UBA5: variants seen among roughly 807,000 people sequenced by gnomAD.
UBA5 encodes the protein ubiquitin-like modifier-activating enzyme 5.
A neutral mutation model predicts 52.9 loss-of-function variants in UBA5; 28 were observed. The observed-to-expected ratio is 0.53, with a 90% CI of 0.39 to 0.73. The LOEUF (loss-of-function observed/expected upper bound fraction) is 0.73, where lower values mean the gene tolerates loss of function less well. Among genes scored for constraint, UBA5 ranks in the 30% least tolerant of loss-of-function variants. UBA5 has a pLI of 0.00. For synonymous variants in UBA5, 135 were observed against 162.1 expected, an observed-to-expected ratio of 0.83 and a Z score of 1.27; for missense variants, 388 against 492.7, an observed-to-expected ratio of 0.79 and a Z score of 2.01.
Position 132,668,935 on chromosome 3 carries a change from GA to G in UBA5, c.407+10del. On this transcript the variant is annotated intron_variant, in intron 4 of 11. Coordinates refer to ENST00000356232, the MANE Select transcript of UBA5 (RefSeq NM_024818.6). ...AGCAGAACATACTCTGAGGTAAATG[GA>G]ATAGCAATCAAGTACCATATTCAGT... is the stretch of plus-strand genomic sequence containing the variant. 7 of 1,534,408 alleles carry G rather than the reference GA, an allele frequency of 4.6e-6. No individual in the cohort carries two copies. Among genetic ancestry groups the G allele is most frequent in the Non-Finnish European group, 6.2e-6 (7 of 1,120,872 alleles).
chr3:132,670,183 C>T lies in UBA5; in HGVS notation c.408-15C>T, dbSNP rs769678266. The T allele has an allele frequency of 3.1e-6, 4 of 1,288,404 alleles. No homozygotes were observed. Among genetic ancestry groups the T allele is most frequent in the Non-Finnish European group, 2.2e-6 (2 of 895,914 alleles). 79.8% of individuals were successfully genotyped at this position (1,288,404 alleles called of 1,614,324 possible). A position where few individuals can be genotyped will look rare whatever the true frequency, so the allele number is the denominator to read the frequency against. ...AGGATTACAGGCTTATAATCATTCC[C>T]TTTTTCCTTCTTAGGAACATTAATC... On this transcript the variant is annotated splice_polypyrimidine_tract_variant and intron_variant, in intron 4 of 11. Transcript: ENST00000356232.
At chr3:132,675,218 C>T in intron 8 of UBA5, 30 bp from the exon 9 acceptor site, 7 of 1,466,586 alleles carry the variant, frequency 4.8e-6, no homozygotes, top group Middle Eastern at 2.1e-4. Context: ...TTTTAAATTT[C>T]TTTATTTAAG....
chr3:132,675,134 TG>T, intron 8 of UBA5, 113 bp from the exon 9 acceptor site: 1 of 780,160 alleles, frequency 1.3e-6, no homozygotes, highest in Non-Finnish European at 2.0e-6. Flanking sequence ...TTCTGTTTTC[TG>T]GTTAAAAAAA....
chr3:132,671,683 G>C, intron 6 of UBA5, 94 bp from the exon 7 acceptor site: 3 of 968,158 alleles, frequency 3.1e-6, no homozygotes, highest in Admixed American at 5.1e-5. Flanking sequence ...AATTTTAAAA[G>C]ACCTTGGTAA....
chr3:132,664,243 A>AT (rs1452388088), intron 1 of UBA5, among the ~76,000 whole-genome samples: 1 of 152,212 alleles, frequency 6.6e-6, no homozygotes, highest in Admixed American at 6.5e-5. Context: ...ACAAGCTAGG[A>AT]GACACTGGAG....
intron 1 of UBA5, among the ~76,000 whole-genome samples, chr3:132,663,914 T>C (rs1296136201): frequency 6.6e-6 from 1 of 152,060 alleles, no homozygotes; most frequent in Non-Finnish European, 1.5e-5. Context: ...TTCTTGCAAA[T>C]GGAGATGGTA....
rs111686677 is a variant in UBA5 at position 132,665,362 on chromosome 3, A to G, written c.162-461A>G. On this transcript the variant is annotated intron_variant, in intron 1 of 11. Coordinates refer to ENST00000356232, the MANE Select transcript of UBA5 (RefSeq NM_024818.6). ...AGTAACTAGTTAAAGCACCTCTTAG[A>G]GTCTTTGGCATACAGTAGGTGCTTA... Among the ~76,000 whole-genome samples, 183 of 152,188 alleles carry G rather than the reference A, an allele frequency of 1.2e-3. 1 individual carries two copies. The highest frequency in any genetic ancestry group is 3.8e-3 in the African/African-American group (157 of 41,546).
intron 1 of UBA5, among the ~76,000 whole-genome samples, chr3:132,661,397 T>C (rs1938155613): frequency 6.6e-6 from 1 of 152,242 alleles, no homozygotes; most frequent in African/African-American, 2.4e-5. Flanking sequence ...TCTATCTCTG[T>C]CATAGTTGTG....
At chr3:132,665,723 T>C (rs1457117178) in intron 1 of UBA5, 100 bp from the exon 2 acceptor site, 10 of 1,169,512 alleles carry the variant, frequency 8.6e-6, no homozygotes, top group Non-Finnish European at 1.2e-5. Flanking sequence ...TTAGTAATGA[T>C]TATATTTTGG....
In UBA5 at chr3:132,660,736, C is replaced by G. The variant is rs1393236921; in HGVS notation, c.161+38C>G. The G allele has an allele frequency of 6.0e-6, 9 of 1,500,970 alleles. No homozygotes were observed. The highest frequency in any genetic ancestry group is 2.5e-5 in the East Asian group (1 of 40,566). The allele number at this position is 1,500,970 out of a possible 1,614,324, so 93.0% of individuals were successfully genotyped here. A position where few individuals can be genotyped will look rare whatever the true frequency, so the allele number is the denominator to read the frequency against. ...GCCGGTCGGAGGCAGGCGCGGGGGA[C>G]GAGGTCAGGCTCCGTGAGGTCAGAA... On this transcript the variant is annotated intron_variant, in intron 1 of 11. Transcript: ENST00000356232. The surrounding 1 kb of genome is among the most constrained non-coding windows in gnomAD (Gnocchi z 4.1).
In UBA5 at chr3:132,660,534, A is replaced by T; in HGVS notation, c.-4A>T. The T allele has an allele frequency of 1.3e-6, 2 of 1,548,454 alleles. No homozygotes were observed. Among genetic ancestry groups the T allele is most frequent in the Non-Finnish European group, 1.7e-6 (2 of 1,146,846 alleles). On this transcript the variant is annotated 5_prime_UTR_variant, in exon 1 of 12. Transcript: ENST00000356232. This position sits in a 1 kb window ranked among gnomAD's most constrained non-coding sequence, Gnocchi z 4.1. ...TGGGAGCGTTGGCGGCCGGAGTCCC[A>T]GCCATGGCGGAGTCTGTGGAGCGCC...
intron 6 of UBA5, 79 bp downstream of exon 6, chr3:132,671,128 C>T (rs1272528181): frequency 3.3e-6 from 4 of 1,225,820 alleles, no homozygotes; most frequent in African/African-American, 1.5e-5. Flanking sequence ...TAATCCCCAT[C>T]CTAAAAACAG....
intron 4 of UBA5, among the ~76,000 whole-genome samples, chr3:132,669,222 T>G (rs563774210): frequency 3.4e-4 from 52 of 152,306 alleles, no homozygotes; most frequent in Admixed American, 2.2e-3. Flanking sequence ...AAATTCTATT[T>G]TTGGACTCTG....
At chr3:132,658,640 C>T (rs2045302), upstream of UBA5, among the ~76,000 whole-genome samples, 104 of 152,328 alleles carry the variant, frequency 6.8e-4, 1 homozygote, top group African/African-American at 1.9e-3. Context: ...TTCCACCTTT[C>T]CCTTCATCTT....
At chr3:132,659,451 C>G (rs373895795), upstream of UBA5, 4 of 1,078,092 alleles carry the variant, frequency 3.7e-6, no homozygotes, top group East Asian at 5.7e-5. Context: ...TTCGGAGGGC[C>G]GGCAATAGCA....
chr3:132,665,570 T>C (rs6799695), intron 1 of UBA5, among the ~76,000 whole-genome samples: 9,858 of 152,120 alleles, frequency 0.065, 1,071 homozygotes, highest in African/African-American at 0.22. Flanking sequence ...GTCGCAATCT[T>C]GGCTGCAAAT....
At position 132,678,598 on chromosome 3, in the gene UBA5, A is replaced by G. The variant is rs1220864920; in HGVS notation, c.*2072A>G. On this transcript the variant is annotated 3_prime_UTR_variant, in exon 12 of 12. Transcript: ENST00000356232. ...TTCTTCTCATAAAAATACTCCCTGG[A>G]TACGTACACTGAACAACACAAAAAA... 1.3e-5 allele frequency among the ~76,000 whole-genome samples: 2 copies of G among 152,190 alleles called. No individual in the cohort carries two copies. The highest frequency in any genetic ancestry group is 4.8e-5 in the African/African-American group (2 of 41,444).
rs1938907116 is a variant in UBA5 at position 132,678,027 on chromosome 3, A to G, written c.*1501A>G. The G allele has an allele frequency of 6.6e-6, 1 of 152,160 alleles. No homozygotes were observed. The highest frequency in any genetic ancestry group is 6.5e-5 in the Admixed American group (1 of 15,286). 9.4% of individuals were successfully genotyped at this position (152,160 alleles called of 1,614,324 possible). A position where few individuals can be genotyped will look rare whatever the true frequency, so the allele number is the denominator to read the frequency against. Reference sequence around the variant, plus strand: ...AATGAAATGCAGTTTTTCAAAAATAAATTTCCTTTGGAAATTCTTGCATAT... The same window carrying G: ...AATGAAATGCAGTTTTTCAAAAATAGATTTCCTTTGGAAATTCTTGCATAT... On this transcript the variant is annotated 3_prime_UTR_variant, in exon 12 of 12. Coordinates refer to ENST00000356232, the MANE Select transcript of UBA5 (RefSeq NM_024818.6).
At chr3:132,659,791 T>C (rs751277415), upstream of UBA5, 1 of 1,548,512 alleles carries the variant, frequency 6.5e-7, no homozygotes, top group African/African-American at 1.4e-5. Flanking sequence ...CATCCACAGG[T>C]CTCGAGTGCC....
Sources: allele counts gnomAD v4.1 joint callset (sites outside exome capture counted in the v4.1 genomes callset), GRCh38; gene constraint gnomAD v4.1.1; non-coding constraint Gnocchi (gnomAD v3.1); transcripts MANE v1.5; gene names NCBI Gene and HGNC (gene_info 2026-07-23, HGNC 2026-07-21).